The following TRANK1 variants were observed in gnomAD, a reference collection of about 807,000 sequenced individuals.
The protein encoded by TRANK1 is TPR and ankyrin repeat-containing protein 1.
A neutral mutation model predicts 266.0 loss-of-function variants in TRANK1; 198 were observed. The ratio of observed to expected loss-of-function variants is 0.74; its 90% CI spans 0.66 to 0.84. The LOEUF (loss-of-function observed/expected upper bound fraction) is 0.84, where lower values mean the gene tolerates loss of function less well. Ranked by LOEUF, TRANK1 falls within the 40% of genes least tolerant of loss-of-function variation. The pLI is 0.00. For missense variants in TRANK1, 3,326 were observed against 3,634.6 expected (o/e 0.92, Z 2.18); for synonymous variants, 1,396 against 1,384.1 (o/e 1.01, Z -0.19).
At chr3:36,881,995 A>G (rs1462112312) in intron 8 of TRANK1, among the ~76,000 whole-genome samples, 1 of 152,200 alleles carries the variant, frequency 6.6e-6, no homozygotes, top group Non-Finnish European at 1.5e-5. Flanking sequence ...CTCAGTTGAT[A>G]GAGATTTGGG....
At chr3:36,864,520 T>A (rs76132478) in intron 9 of TRANK1, 40 bp from the exon 10 acceptor site, 1 of 1,488,406 alleles carries the variant, frequency 6.7e-7, no homozygotes, top group Admixed American at 2.4e-5. Flanking sequence ...AATACAGAAA[T>A]TGCAGCTGTT....
intron 1 of TRANK1, among the ~76,000 whole-genome samples, chr3:36,927,821 G>C (rs2080309066): frequency 6.6e-6 from 1 of 152,198 alleles, no homozygotes; most frequent in Admixed American, 6.5e-5. Flanking sequence ...GTGTGTGAGA[G>C]TATGAGGGCT....
intron 22 of TRANK1, 45 bp downstream of exon 22, chr3:36,830,828 C>T: frequency 6.5e-7 from 1 of 1,528,708 alleles, no homozygotes; most frequent in Non-Finnish European, 8.8e-7. Flanking sequence ...GTCCTCAGAG[C>T]CCAGGTCTCA....
chr3:36,832,373 G>A lies in TRANK1; in HGVS notation c.7210C>T (p.Leu2404=), dbSNP rs1273261694. The A allele has an allele frequency of 6.2e-7, 1 of 1,613,994 alleles. No homozygotes were observed. The change falls in exon 22 of 24, where the codon CTG becomes TTG. Residue 2404 remains leucine (L), a synonymous_variant. Coordinates refer to ENST00000645898, the MANE Select transcript of TRANK1 (RefSeq NM_001329998.2). Reference sequence around the variant, plus strand: ...TTCTCCAGAAGCCGGATGAAGCACAGGTGGGTCTTGTCCATATTTTCATCA... The same window carrying A: ...TTCTCCAGAAGCCGGATGAAGCACAAGTGGGTCTTGTCCATATTTTCATCA... ...RDDENMDKTH[L]CFIRLLENCI...
Position 36,832,332 on chromosome 3 carries a change from G to A in TRANK1, c.7251C>T (p.Phe2417=), listed in dbSNP as rs1411821404. 6.2e-7 allele frequency: 1 copy of A among 1,613,994 alleles called. No individual in the cohort carries two copies. Among genetic ancestry groups the A allele is most frequent in the South Asian group, 1.1e-5 (1 of 91,082 alleles). Residue 2417 remains phenylalanine (F), a synonymous_variant, in exon 22 of 24, where the codon TTC becomes TTT. Coordinates refer to ENST00000645898, the MANE Select transcript of TRANK1 (RefSeq NM_001329998.2). ...IRLLENCIDQ[F]YVYRNPEDYK... Reference sequence around the variant, plus strand: ...AGTCTTCTGGGTTCCTGTACACGTAGAATTGATCAATGCAATTCTCCAGAA... The same window carrying A: ...AGTCTTCTGGGTTCCTGTACACGTAAAATTGATCAATGCAATTCTCCAGAA...
chr3:36,889,751 A>T, intron 8 of TRANK1, 78 bp downstream of exon 8: 1 of 1,453,238 alleles, frequency 6.9e-7, no homozygotes, highest in South Asian at 1.4e-5. Flanking sequence ...GGGTAAAACA[A>T]GGCAGTCGGT....
intron 1 of TRANK1, among the ~76,000 whole-genome samples, chr3:36,923,128 C>T (rs970991976): frequency 6.6e-6 from 1 of 152,176 alleles, no homozygotes; most frequent in Admixed American, 6.5e-5. Context: ...CCTATAAAAT[C>T]CCCAGCAAGA....
intron 1 of TRANK1, among the ~76,000 whole-genome samples, chr3:36,935,507 A>G (rs1281210759): frequency 2.1e-5 from 3 of 140,446 alleles, no homozygotes; most frequent in Non-Finnish European, 4.5e-5. Context: ...CTGGAATGCA[A>G]TGGCGCAATC....
Position 36,827,934 on chromosome 3 carries a change from C to G in TRANK1, c.*341G>C. ...AGAGTCTGTCCTAACACCTAGTCCT[C>G]TGCTACCAACTCATGTCATGATGGG... On this transcript the variant is annotated 3_prime_UTR_variant, in exon 24 of 24. Transcript: ENST00000645898. The G allele has an allele frequency of 4.4e-6, 1 of 229,424 alleles. No individual in the cohort carries two copies. The highest frequency in any genetic ancestry group is 8.8e-6 in the Non-Finnish European group (1 of 114,018). 14.2% of individuals were successfully genotyped at this position (229,424 alleles called of 1,614,324 possible). A position where few individuals can be genotyped will look rare whatever the true frequency, so the allele number is the denominator to read the frequency against.
chr3:36,886,528 CAT>C (rs2079608440), intron 8 of TRANK1, among the ~76,000 whole-genome samples: 1 of 152,150 alleles, frequency 6.6e-6, no homozygotes, highest in Admixed American at 6.5e-5. Context: ...GTGTAAGCCA[CAT>C]ATGGCTATAG....
At position 36,857,308 on chromosome 3, in the gene TRANK1, T is replaced by C. The variant is rs757509253; in HGVS notation, c.2414A>G (p.Asn805Ser). 3 of 1,608,946 alleles carry C rather than the reference T, an allele frequency of 1.9e-6. No homozygotes were observed. The highest frequency in any genetic ancestry group is 2.2e-5 in the South Asian group (2 of 90,090). The change falls in exon 13 of 24, where the codon AAC (asparagine) becomes AGC (serine). Residue 805 changes from asparagine to serine, a missense_variant. Coordinates refer to ENST00000645898, the MANE Select transcript of TRANK1 (RefSeq NM_001329998.2). This position sits in a 1 kb window ranked among gnomAD's most constrained non-coding sequence, Gnocchi z 4.3. ...ATCATCATTGCCCTCCTTCCCCCTGTTATCATCAGGCACAAGCTGCAAGGC... is the reference window on the plus strand; with the variant it reads ...ATCATCATTGCCCTCCTTCCCCCTGCTATCATCAGGCACAAGCTGCAAGGC... ...LGALQLVPDD[N>S]RGKEGNDDQD... is the part of the protein sequence containing the mutation.
At chr3:36,843,810 A>G (rs1447068786) in intron 17 of TRANK1, among the ~76,000 whole-genome samples, 1 of 152,200 alleles carries the variant, frequency 6.6e-6, no homozygotes, top group Admixed American at 6.5e-5. Context: ...CACGTTAAGC[A>G]TCACAACCTG....
chr3:36,922,222 C>T (rs1354504854), intron 1 of TRANK1, among the ~76,000 whole-genome samples: 1 of 152,148 alleles, frequency 6.6e-6, no homozygotes, highest in Non-Finnish European at 1.5e-5. Context: ...TTCTATCTGG[C>T]TACTATTACT....
chr3:36,884,313 G>A (rs1427566459), intron 8 of TRANK1, among the ~76,000 whole-genome samples: 4 of 152,160 alleles, frequency 2.6e-5, no homozygotes, highest in African/African-American at 9.7e-5. Flanking sequence ...ACCAGATCTT[G>A]TTTCCTCTAA....
In TRANK1 at chr3:36,833,630, T is replaced by C. The variant is rs1300135725; in HGVS notation, c.5953A>G (p.Lys1985Glu). Reference sequence around the variant, plus strand: ...AGCAGACATGAGGCCTGGAAGTCCTTGTCGGCAGTGAGCCTGGCAGCCTCC... The same window carrying C: ...AGCAGACATGAGGCCTGGAAGTCCTCGTCGGCAGTGAGCCTGGCAGCCTCC... The part of the protein sequence containing the change: ...LLEAARLTAD[K>E]DFQASCLLGA... Residue 1985 changes from lysine (K) to glutamate (E), a missense_variant, in exon 22 of 24, where the codon AAG (lysine) becomes GAG (glutamate). Transcript: ENST00000645898. 1.9e-6 allele frequency: 3 copies of C among 1,613,962 alleles called. No homozygotes were observed. Among genetic ancestry groups the C allele is most frequent in the Non-Finnish European group, 2.5e-6 (3 of 1,179,846 alleles).
rs13083883 is a variant in TRANK1, at chr3:36,940,175, G to A, written c.23+4612C>T. ...GCTGGGATTACAGGCATGACCCACC[G>A]CGCCTGGCCCACCATTATTCTTAGT... On this transcript the variant is annotated intron_variant, in intron 1 of 23. Coordinates refer to ENST00000645898, the MANE Select transcript of TRANK1 (RefSeq NM_001329998.2). Among the ~76,000 whole-genome samples, 4 of 151,448 alleles carry A rather than the reference G, an allele frequency of 2.6e-5. No homozygotes were observed. The South Asian group carries it at 6.3e-4, about 24-fold the overall frequency.
chr3:36,938,681 G>A (rs1398308474), intron 1 of TRANK1, among the ~76,000 whole-genome samples: 4 of 152,130 alleles, frequency 2.6e-5, no homozygotes, highest in African/African-American at 9.7e-5. Context: ...AGAGCTGGCC[G>A]GGTGTGATAG....
Position 36,834,818 on chromosome 3 carries a change from T to G in TRANK1, c.5607A>C (p.Ala1869=). Residue 1869 remains alanine, a synonymous_variant, in exon 21 of 24, where the codon GCA becomes GCC. Coordinates refer to ENST00000645898, the MANE Select transcript of TRANK1 (RefSeq NM_001329998.2). ...GCTCCTCTTGGCAGTACATTTTGAG[T>G]GCTAGATCAAATTCCTGAATCTGCT... The part of the protein sequence containing the change: ...CFEQIQEFDL[A]LKMYCQEELF... The G allele has an allele frequency of 6.2e-7, 1 of 1,613,846 alleles. No individual in the cohort carries two copies. The highest frequency in any genetic ancestry group is 8.5e-7 in the Non-Finnish European group (1 of 1,179,860).
chr3:36,929,936 C>T (rs1425871321), intron 1 of TRANK1, among the ~76,000 whole-genome samples: 1 of 143,518 alleles, frequency 7.0e-6, no homozygotes, highest in Non-Finnish European at 1.6e-5. Context: ...GACGGAGTTT[C>T]ACTCTTGTTG....
Sources: gnomAD v4.1 joint callset for allele counts (sites outside exome capture counted in the v4.1 genomes callset) on GRCh38, gnomAD v4.1.1 for gene constraint, Gnocchi (gnomAD v3.1) non-coding constraint, MANE v1.5 for transcripts, NCBI Gene and HGNC (gene_info 2026-07-23, HGNC 2026-07-21) for gene names.